HACD1: variants seen among roughly 807,000 people sequenced by gnomAD.
HACD1 encodes the protein 3-hydroxyacyl-CoA dehydratase 1, also known as very-long-chain (3R)-3-hydroxyacyl-CoA dehydratase 1.
Under a neutral mutation model 32.0 loss-of-function variants are expected in HACD1, and 41 were observed. The ratio of observed to expected loss-of-function variants is 1.28; its 90% CI spans 1.00 to 1.66. The LOEUF (loss-of-function observed/expected upper bound fraction) is 1.66. Ranked by LOEUF, HACD1 falls within the 40% of genes most tolerant of loss-of-function variation. The pLI is 0.00. For synonymous variants in HACD1, 142 were observed against 139.0 expected, an observed-to-expected ratio of 1.02 and a Z score of -0.15; for missense variants, 396 against 380.1, an observed-to-expected ratio of 1.04 and a Z score of -0.35.
Position 17,590,436 on chromosome 10 carries a change from T to A in HACD1, c.795A>T (p.Gln265His), listed in dbSNP as rs782343591. ...TTTGACGTAACATATGAAAATAGAGTTGTGGAAACACTTCATTGAAAAAGA... is the reference window on the plus strand; with the variant it reads ...TTTGACGTAACATATGAAAATAGAGATGTGGAAACACTTCATTGAAAAAGA... ...TMASYIPLFPQLYFHMLRQRR... is the reference protein window; with the variant it reads ...TMASYIPLFPHLYFHMLRQRR... The change falls in exon 7 of 7, where the codon CAA becomes CAT. Residue 265 changes from glutamine to histidine, a missense_variant. Coordinates refer to ENST00000361271, the MANE Select transcript of HACD1 (RefSeq NM_014241.4). 5 of 1,588,060 alleles carry A rather than the reference T, an allele frequency of 3.1e-6. No individual in the cohort carries two copies. Among genetic ancestry groups the A allele is most frequent in the Non-Finnish European group, 4.3e-6 (5 of 1,163,598 alleles).
intron 1 of HACD1, among the ~76,000 whole-genome samples, chr10:17,612,852 G>A (rs1432236399): frequency 1.3e-5 from 2 of 150,272 alleles, no homozygotes; most frequent in East Asian, 2.0e-4. Flanking sequence ...AATCCGGGAG[G>A]CGGAACTTGC....
In HACD1 at chr10:17,617,165, G is replaced by A; in HGVS notation, c.175C>T (p.Arg59Trp). The change falls in exon 1 of 7, where the codon CGG becomes TGG. Residue 59 changes from arginine to tryptophan, a missense_variant. Coordinates refer to ENST00000361271, the MANE Select transcript of HACD1 (RefSeq NM_014241.4). ...CGCCTCCGCTCGCCGGGAGCCTCCC[G>A]GTCCTCGCCGGCCTCCGAGGCGCCG... ...NGGASEAGED[R>W]EAPGERRRLG... 1.3e-6 allele frequency: 2 copies of A among 1,505,410 alleles called. No homozygotes were observed. Among genetic ancestry groups the A allele is most frequent in the Non-Finnish European group, 1.8e-6 (2 of 1,131,104 alleles). 93.3% of individuals were successfully genotyped at this position (1,505,410 alleles called of 1,614,324 possible). A position where few individuals can be genotyped will look rare whatever the true frequency, so the allele number is the denominator to read the frequency against.
chr10:17,603,640 G>C lies in HACD1; in HGVS notation c.403C>G (p.Pro135Ala). The C allele has an allele frequency of 6.2e-7, 1 of 1,612,760 alleles. No individual in the cohort carries two copies. The highest frequency in any genetic ancestry group is 2.2e-5 in the East Asian group (1 of 44,818). ...EIVHCLIGIVPTSVIVTGVQV... is the reference protein window; with the variant it reads ...EIVHCLIGIVATSVIVTGVQV... The stretch of plus-strand genomic sequence containing the variant: ...ACCCCAGTCACAATCACAGAAGTAG[G>C]TACAATTCCTTAAAAAGAAAAACAA... The change falls in exon 4 of 7, where the codon CCT becomes GCT. Residue 135 changes from proline (P) to alanine (A), a missense_variant. Transcript: ENST00000361271.
intron 1 of HACD1, among the ~76,000 whole-genome samples, chr10:17,607,542 T>C (rs1423739539): frequency 2.0e-5 from 3 of 152,226 alleles, no homozygotes; most frequent in Non-Finnish European, 4.4e-5. Context: ...AAATCAGATG[T>C]CCACAAAAGA....
At chr10:17,611,204 G>A (rs1191081964) in intron 1 of HACD1, among the ~76,000 whole-genome samples, 3 of 152,042 alleles carry the variant, frequency 2.0e-5, no homozygotes, top group African/African-American at 7.2e-5. Context: ...GTTTCACTGT[G>A]TTAGCCAGGA....
intron 6 of HACD1, among the ~76,000 whole-genome samples, chr10:17,593,033 C>G (rs1418693351): frequency 6.6e-6 from 1 of 152,094 alleles, no homozygotes; most frequent in Non-Finnish European, 1.5e-5. Context: ...GAAACCTCGT[C>G]TCTACTAAAA....
intron 1 of HACD1, among the ~76,000 whole-genome samples, chr10:17,611,901 A>G (rs573601780): frequency 6.6e-6 from 1 of 151,820 alleles, no homozygotes; most frequent in Non-Finnish European, 1.5e-5. Context: ...CGGGAGGCGG[A>G]GCTTGCAGTG....
rs140139197 is a variant in HACD1, at chr10:17,600,408, C to T, written c.484-997G>A. Reference sequence around the variant, plus strand: ...GGGCTGGAGTGCAGTGGCATGATCTCGGCTCACTGCAACCTCCACGTCCTA... The same window carrying T: ...GGGCTGGAGTGCAGTGGCATGATCTTGGCTCACTGCAACCTCCACGTCCTA... On this transcript the variant is annotated intron_variant, in intron 4 of 6. Coordinates refer to ENST00000361271, the MANE Select transcript of HACD1 (RefSeq NM_014241.4). Among the ~76,000 whole-genome samples the T allele has an allele frequency of 1.9e-4, 29 of 152,164 alleles. 1 individual carries two copies. The East Asian group carries it at 4.1e-3, about 21-fold the overall frequency.
intron 1 of HACD1, among the ~76,000 whole-genome samples, chr10:17,614,625 G>T (rs1024812900): frequency 6.6e-6 from 1 of 152,044 alleles, no homozygotes; most frequent in Non-Finnish European, 1.5e-5. Flanking sequence ...TGAGGCAGGA[G>T]GATTGCTTTG....
intron 3 of HACD1, 37 bp from the exon 4 acceptor site, chr10:17,603,685 G>T (rs1554816753): frequency 6.2e-7 from 1 of 1,604,708 alleles, no homozygotes; most frequent in South Asian, 1.1e-5. Context: ...TGCCCTAAAG[G>T]CAATTTATAA....
At chr10:17,598,380 C>T (rs1465845044) in intron 5 of HACD1, among the ~76,000 whole-genome samples, 1 of 150,780 alleles carries the variant, frequency 6.6e-6, no homozygotes, top group East Asian at 1.9e-4. Context: ...TTTATATATT[C>T]TCATTTATTA....
chr10:17,594,860 GTT>G (rs782281787), intron 5 of HACD1, among the ~76,000 whole-genome samples: 17 of 139,084 alleles, frequency 1.2e-4, no homozygotes, highest in Non-Finnish European at 2.2e-4. Context: ...TTTTTTTTTT[GTT>G]TTTTGTTTTT....
In HACD1 at chr10:17,594,330, G is replaced by A; in HGVS notation, c.659C>T (p.Thr220Ile). The A allele has an allele frequency of 8.8e-6, 14 of 1,586,398 alleles. No homozygotes were observed. The highest frequency in any genetic ancestry group is 1.4e-5 in the African/African-American group (1 of 73,838). Residue 220 changes from threonine (T) to isoleucine (I), a missense_variant, in exon 6 of 7, where the codon ACA (threonine) becomes ATA (isoleucine). Coordinates refer to ENST00000361271, the MANE Select transcript of HACD1 (RefSeq NM_014241.4). ...YPVGVAGELLTIYAALPHVKK... is the reference protein window; with the variant it reads ...YPVGVAGELLIIYAALPHVKK... Reference sequence around the variant, plus strand: ...CACATGCGGCAAGGCAGCGTATATTGTAAGAAGTTCACCAGCAACTCCAAC... The same window carrying A: ...CACATGCGGCAAGGCAGCGTATATTATAAGAAGTTCACCAGCAACTCCAAC...
intron 5 of HACD1, 127 bp downstream of exon 5, chr10:17,599,163 C>T: frequency 1.5e-6 from 2 of 1,377,946 alleles, no homozygotes; most frequent in Non-Finnish European, 1.9e-6. Context: ...TTAGTTATAC[C>T]AGTTATACCT....
intron 5 of HACD1, 147 bp downstream of exon 5, chr10:17,599,143 T>G: frequency 7.8e-7 from 1 of 1,278,548 alleles, no homozygotes; most frequent in Non-Finnish European, 1.0e-6. Context: ...AATCATAACT[T>G]GTATAATTAT....
chr10:17,591,975 G>GTTTTTTTT (rs1564503517), intron 6 of HACD1, among the ~76,000 whole-genome samples: 1 of 103,796 alleles, frequency 9.6e-6, no homozygotes, highest in African/African-American at 4.9e-5. Context: ...ACCAGCTACT[G>GTTTTTTTT]ATTTTTTTTT....
At chr10:17,594,578 A>G (rs1222330133) in intron 5 of HACD1, among the ~76,000 whole-genome samples, 195 bp from the exon 6 acceptor site, 1 of 152,166 alleles carries the variant, frequency 6.6e-6, no homozygotes, top group African/African-American at 2.4e-5. Context: ...TCCTAATACC[A>G]GTTTCCATAA....
chr10:17,613,144 G>GTTTTGTTT lies in HACD1; in HGVS notation c.257+3938_257+3939insAAACAAAA, dbSNP rs34746604. 1.7e-3 allele frequency among the ~76,000 whole-genome samples: 224 copies of GTTTTGTTT among 128,728 alleles called. 2 individuals are homozygous for GTTTTGTTT. Among genetic ancestry groups the GTTTTGTTT allele is most frequent in the African/African-American group, 6.4e-3 (210 of 32,740 alleles). The allele number at this position is 128,728 out of a possible 152,430, so 84.5% of individuals were successfully genotyped here. A position where few individuals can be genotyped will look rare whatever the true frequency, so the allele number is the denominator to read the frequency against. On this transcript the variant is annotated intron_variant, in intron 1 of 6. Coordinates refer to ENST00000361271, the MANE Select transcript of HACD1 (RefSeq NM_014241.4). ...TGTGTGTGTGTGTGTGTGTGTGTGT[G>GTTTTGTTT]TGTTTTGTTTTTGAGATGGGGTCTC...
intron 4 of HACD1, among the ~76,000 whole-genome samples, chr10:17,601,877 TC>T (rs1834074543): frequency 1.3e-5 from 2 of 151,818 alleles, no homozygotes; most frequent in African/African-American, 4.8e-5. Context: ...CAGTGAGCTG[TC>T]CCCATGCAGA....
Sources: gnomAD v4.1 joint callset for allele counts (sites outside exome capture counted in the v4.1 genomes callset) on GRCh38, gnomAD v4.1.1 for gene constraint, MANE v1.5 for transcripts, NCBI Gene and HGNC (gene_info 2026-07-23, HGNC 2026-07-21) for gene names.